Variants in KCNIP1 observed in about 807,000 individuals in gnomAD.
KCNIP1 encodes A-type potassium channel modulatory protein KCNIP1.
Under a neutral mutation model 33.0 loss-of-function variants are expected in KCNIP1, and 18 were observed. The ratio of observed to expected loss-of-function variants is 0.55; its 90% CI spans 0.38 to 0.81. The LOEUF is 0.81. KCNIP1 is among the 30% of genes least tolerant of loss of function. The pLI is 0.00. For missense variants in KCNIP1, 238 were observed against 271.6 expected (o/e 0.88, Z 0.87); for synonymous variants, 93 against 98.3 (o/e 0.95, Z 0.32).
chr5:170,430,813 C>T (rs1755723093), intron 1 of KCNIP1, among the ~76,000 whole-genome samples: 1 of 152,124 alleles, frequency 6.6e-6, no homozygotes, highest in Admixed American at 6.5e-5. Flanking sequence ...TGATTGTTGC[C>T]CCTACTATTA....
chr5:170,449,690 T>C (rs1229396897), intron 1 of KCNIP1, among the ~76,000 whole-genome samples: 2 of 152,204 alleles, frequency 1.3e-5, no homozygotes, highest in Non-Finnish European at 2.9e-5. Flanking sequence ...GCCGGCGGTG[T>C]ATGTTAAATG....
chr5:170,610,689 T>C (rs971204686), intron 1 of KCNIP1, among the ~76,000 whole-genome samples: 1 of 152,240 alleles, frequency 6.6e-6, no homozygotes, highest in African/African-American at 2.4e-5. Context: ...ATGTATTCCA[T>C]GGAGTTGCTG....
chr5:170,381,014 C>A (rs964266459), intron 1 of KCNIP1, among the ~76,000 whole-genome samples: 7 of 152,206 alleles, frequency 4.6e-5, no homozygotes, highest in Admixed American at 2.0e-4. Context: ...TATGTTTTGA[C>A]TTATCTATGA....
chr5:170,672,371 A>G (rs1761959726), intron 1 of KCNIP1, among the ~76,000 whole-genome samples: 1 of 152,206 alleles, frequency 6.6e-6, no homozygotes, highest in Non-Finnish European at 1.5e-5. Context: ...CAGAAAAGAG[A>G]TGTCCATATT....
chr5:170,541,204 C>T (rs1581297792), intron 1 of KCNIP1, among the ~76,000 whole-genome samples: 2 of 152,262 alleles, frequency 1.3e-5, no homozygotes, highest in South Asian at 4.2e-4. Context: ...TCTGAGGTCC[C>T]TTCCATACAG....
At chr5:170,686,538 T>C (rs562473686) in intron 1 of KCNIP1, among the ~76,000 whole-genome samples, 1 of 152,338 alleles carries the variant, frequency 6.6e-6, no homozygotes, top group East Asian at 1.9e-4. Flanking sequence ...TTGTCCCGCA[T>C]TCTCCAGAGA....
intron 1 of KCNIP1, among the ~76,000 whole-genome samples, chr5:170,462,890 G>A (rs1235426035): frequency 6.6e-6 from 1 of 152,184 alleles, no homozygotes; most frequent in Non-Finnish European, 1.5e-5. Context: ...ATCATCATAT[G>A]TTCTCATTCA....
At chr5:170,697,460 T>A (rs1467275901) in intron 1 of KCNIP1, among the ~76,000 whole-genome samples, 1 of 152,236 alleles carries the variant, frequency 6.6e-6, no homozygotes, top group Admixed American at 6.5e-5. Context: ...ATCTTCTAGC[T>A]GTTCTTGCAA....
At chr5:170,416,817 A>G (rs1002720993) in intron 1 of KCNIP1, among the ~76,000 whole-genome samples, 1 of 152,176 alleles carries the variant, frequency 6.6e-6, no homozygotes, top group African/African-American at 2.4e-5. Context: ...TATCATCCCC[A>G]TTTTACAGAT....
intron 1 of KCNIP1, chr5:170,378,610 G>T: frequency 2.3e-6 from 3 of 1,306,272 alleles, no homozygotes; most frequent in South Asian, 1.4e-5. Context: ...GGGAGGGCAG[G>T]TGGAGAAGGC....
At chr5:170,712,032 A>G (rs1490657922) in intron 1 of KCNIP1, among the ~76,000 whole-genome samples, 2 of 152,198 alleles carry the variant, frequency 1.3e-5, no homozygotes, top group Admixed American at 1.3e-4. Context: ...GAGCCTACAG[A>G]GGAAATCCAG....
chr5:170,566,332 A>T (rs2113470943), intron 1 of KCNIP1, among the ~76,000 whole-genome samples: 1 of 152,286 alleles, frequency 6.6e-6, no homozygotes, highest in East Asian at 1.9e-4. Flanking sequence ...ATCTCAGGTG[A>T]TCCACCCGCC....
chr5:170,405,419 G>C (rs78560162), intron 1 of KCNIP1, among the ~76,000 whole-genome samples: 1 of 152,142 alleles, frequency 6.6e-6, no homozygotes, highest in Non-Finnish European at 1.5e-5. Flanking sequence ...AGCCAGGCTG[G>C]TCTTGAATTC....
intron 1 of KCNIP1, among the ~76,000 whole-genome samples, chr5:170,645,491 G>T (rs1434234131): frequency 2.6e-5 from 4 of 152,128 alleles, no homozygotes; most frequent in Non-Finnish European, 5.9e-5. Context: ...TGATATAAAT[G>T]CAAGGAGGAA....
intron 1 of KCNIP1, among the ~76,000 whole-genome samples, chr5:170,373,659 T>C (rs1763908681): frequency 6.6e-6 from 1 of 152,340 alleles, no homozygotes; most frequent in Admixed American, 6.5e-5. Context: ...TGTTTTACAT[T>C]TTTCACAAAT....
intron 1 of KCNIP1, among the ~76,000 whole-genome samples, chr5:170,423,630 C>T (rs1755546092): frequency 6.6e-6 from 1 of 152,226 alleles, no homozygotes; most frequent in Admixed American, 6.5e-5. Context: ...CGAGGATCCC[C>T]AGCTTGGCTA....
chr5:170,485,001 CGCAATCTCCACTCACT>C (rs2113178174), intron 1 of KCNIP1, among the ~76,000 whole-genome samples: 1 of 140,980 alleles, frequency 7.1e-6, no homozygotes, highest in African/African-American at 2.7e-5. Flanking sequence ...AGTGCAGTGG[CGCAATCTCCACTCACT>C]GCAATCTCTG....
chr5:170,559,241 T>G (rs946072054), intron 1 of KCNIP1, among the ~76,000 whole-genome samples: 2 of 152,262 alleles, frequency 1.3e-5, no homozygotes, highest in African/African-American at 4.8e-5. Context: ...TCAAAAATTC[T>G]ACTTTTCTAG....
intron 1 of KCNIP1, among the ~76,000 whole-genome samples, chr5:170,557,964 G>A (rs759009662): frequency 6.6e-6 from 1 of 152,150 alleles, no homozygotes; most frequent in Non-Finnish European, 1.5e-5. Flanking sequence ...CTTTTATTAT[G>A]GTGGCACTTA....
Sources: allele counts gnomAD v4.1 joint callset (sites outside exome capture counted in the v4.1 genomes callset), GRCh38; gene constraint gnomAD v4.1.1; transcripts MANE v1.5; gene names NCBI Gene and HGNC (gene_info 2026-07-23, HGNC 2026-07-21).